Variants in INPP4B observed in about 807,000 individuals in gnomAD.
The protein encoded by INPP4B is inositol polyphosphate-4-phosphatase type II B.
Under a neutral mutation model 122.5 loss-of-function variants are expected in INPP4B, and 55 were observed. That is an observed-to-expected ratio of 0.45 (90% confidence interval 0.36 to 0.56). The LOEUF (loss-of-function observed/expected upper bound fraction) is 0.56, where lower values mean the gene tolerates loss of function less well. Among genes scored for constraint, INPP4B ranks in the 20% least tolerant of loss-of-function variants. The pLI, the probability that INPP4B is intolerant of heterozygous loss-of-function variation, is 0.00. For missense variants in INPP4B, 1,000 were observed against 1,097.7 expected, an observed-to-expected ratio of 0.91 and a Z score of 1.26; for synonymous variants, 403 against 388.7, an observed-to-expected ratio of 1.04 and a Z score of -0.43.
chr4:142,502,946 C>G (rs2149828076), intron 2 of INPP4B, among the ~76,000 whole-genome samples: 1 of 152,204 alleles, frequency 6.6e-6, no homozygotes, highest in Non-Finnish European at 1.5e-5. Context: ...AAGTGGAACC[C>G]TAGTTTGGTT....
At chr4:142,491,565 G>A (rs915988036) in intron 2 of INPP4B, among the ~76,000 whole-genome samples, 5 of 152,198 alleles carry the variant, frequency 3.3e-5, no homozygotes, top group African/African-American at 1.2e-4. Context: ...CCTGAGACAG[G>A]AGAATTGCTT....
chr4:142,581,933 G>A (rs1484683805), intron 2 of INPP4B, among the ~76,000 whole-genome samples: 1 of 151,946 alleles, frequency 6.6e-6, no homozygotes, highest in Admixed American at 6.6e-5. Flanking sequence ...GTTCAATTGT[G>A]TTACATGGAA....
At chr4:142,738,972 T>C (rs1459028403) in intron 1 of INPP4B, among the ~76,000 whole-genome samples, 1 of 152,134 alleles carries the variant, frequency 6.6e-6, no homozygotes, top group African/African-American at 2.4e-5. Context: ...GTTTTTTGTA[T>C]AAGCTGTCCT....
In INPP4B at chr4:142,173,629, T is replaced by C. The variant is rs1404404068; in HGVS notation, c.1359+3A>G. ...CCAACTATAGTGATGATTTGGATCT[T>C]ACTTTTTCTGAAAGCATCTTTAAAG... On this transcript the variant is annotated splice_donor_region_variant and intron_variant, in intron 16 of 25. Coordinates refer to ENST00000262992, the MANE Select transcript of INPP4B (RefSeq NM_001101669.3). 1 of 1,610,360 alleles carries C rather than the reference T, an allele frequency of 6.2e-7. No individual in the cohort carries two copies. The highest frequency in any genetic ancestry group is 8.5e-7 in the Non-Finnish European group (1 of 1,177,984).
At chr4:142,548,751 G>GTGTGTC (rs1310574353) in intron 2 of INPP4B, among the ~76,000 whole-genome samples, 3 of 45,984 alleles carry the variant, frequency 6.5e-5, no homozygotes, top group African/African-American at 4.0e-4. Context: ...AGATGTGTCT[G>GTGTGTC]TGTGTGTGTG....
chr4:142,431,290 A>C lies in INPP4B; in HGVS notation c.-31T>G. ...ACCTTCACAGTTTTAAAATTTTCCAAATTTTCTTGTCCAAATGTCAGTTCT... is the reference window on the plus strand; with the variant it reads ...ACCTTCACAGTTTTAAAATTTTCCACATTTTCTTGTCCAAATGTCAGTTCT... On this transcript the variant is annotated 5_prime_UTR_variant, in exon 4 of 26. The change creates a new upstream start codon in the 5' untranslated region. Transcript: ENST00000262992. 1 of 1,547,448 alleles carries C rather than the reference A, an allele frequency of 6.5e-7. No homozygotes were observed. Among genetic ancestry groups the C allele is most frequent in the Non-Finnish European group, 8.9e-7 (1 of 1,120,346 alleles).
intron 2 of INPP4B, among the ~76,000 whole-genome samples, chr4:142,681,505 T>C (rs1423745229): frequency 6.6e-6 from 1 of 151,548 alleles, no homozygotes; most frequent in South Asian, 2.1e-4. Context: ...TAAAATCAAA[T>C]AACGAATTTA....
chr4:142,726,250 C>T (rs1186791315), intron 1 of INPP4B, among the ~76,000 whole-genome samples: 1 of 152,136 alleles, frequency 6.6e-6, no homozygotes, highest in Non-Finnish European at 1.5e-5. Flanking sequence ...AATGTCAGGA[C>T]AGAACATTTA....
intron 2 of INPP4B, among the ~76,000 whole-genome samples, chr4:142,704,776 A>G (rs1333148151): frequency 6.6e-6 from 1 of 152,094 alleles, no homozygotes; most frequent in Non-Finnish European, 1.5e-5. Context: ...ACTCTCCCTC[A>G]AGCCCTTGCT....
intron 2 of INPP4B, among the ~76,000 whole-genome samples, chr4:142,660,206 G>T (rs1157321478): frequency 6.6e-6 from 1 of 152,118 alleles, no homozygotes; most frequent in African/African-American, 2.4e-5. Context: ...CACTTCATGG[G>T]TACAAGCTGC....
chr4:142,540,797 A>AAC (rs947865250), intron 2 of INPP4B, among the ~76,000 whole-genome samples: 3 of 152,098 alleles, frequency 2.0e-5, no homozygotes, highest in Non-Finnish European at 2.9e-5. Flanking sequence ...CACACACATA[A>AAC]ACACACACAC....
chr4:142,297,573 T>C (rs28463981), intron 9 of INPP4B, among the ~76,000 whole-genome samples: 36,271 of 152,094 alleles, frequency 0.24, 5,537 homozygotes, highest in African/African-American at 0.43. Context: ...GAGACCACTG[T>C]TCCTACTTCA....
intron 23 of INPP4B, among the ~76,000 whole-genome samples, chr4:142,088,832 C>G (rs2152557967): frequency 6.6e-6 from 1 of 152,230 alleles, no homozygotes; most frequent in East Asian, 1.9e-4. Flanking sequence ...GACCCGAATT[C>G]AAAATTTCCA....
At position 142,051,068 on chromosome 4, in the gene INPP4B, CCT is replaced by C. The variant is rs1363473662; in HGVS notation, c.2643-22156_2643-22155del. Among the ~76,000 whole-genome samples, 5 of 151,976 alleles carry C rather than the reference CCT, an allele frequency of 3.3e-5. No homozygotes were observed. The East Asian group carries it at 5.8e-4, about 18-fold the overall frequency. On this transcript the variant is annotated intron_variant, in intron 25 of 25. Coordinates refer to ENST00000262992, the MANE Select transcript of INPP4B (RefSeq NM_001101669.3). The stretch of plus-strand genomic sequence containing the variant: ...TACCTGATTGAGTATAATACATGTT[CCT>C]CTGTGTTGAGATATGTAAACTAGAG...
At chr4:142,457,420 T>C (rs1374148030) in intron 3 of INPP4B, among the ~76,000 whole-genome samples, 2 of 152,208 alleles carry the variant, frequency 1.3e-5, no homozygotes, top group Non-Finnish European at 2.9e-5. Context: ...TTAATGACCT[T>C]TTGAAACTCC....
chr4:142,246,431 T>C (rs993525539), intron 11 of INPP4B, among the ~76,000 whole-genome samples: 5 of 152,154 alleles, frequency 3.3e-5, no homozygotes, highest in Non-Finnish European at 7.4e-5. Context: ...TCCATGAACA[T>C]AGAATGTTTT....
chr4:142,053,364 A>T (rs1225903147), intron 25 of INPP4B, among the ~76,000 whole-genome samples: 1 of 152,132 alleles, frequency 6.6e-6, no homozygotes, highest in Non-Finnish European at 1.5e-5. Context: ...ATGAGGAGAG[A>T]GAACCTGAAG....
In INPP4B at chr4:142,082,050, C is replaced by A; in HGVS notation, c.2623G>T (p.Ala875Ser). Reference protein sequence around the residue: ...HQLHKDFFIRALDCMRREGCR... With the variant: ...HQLHKDFFIRSLDCMRREGCR... ...AGATACCTTCTCATGCAATCCAGCG[C>A]TCGGATAAAGAAGTCCTTGTGTAAC... The change falls in exon 25 of 26, where the codon GCG becomes TCG. Residue 875 changes from alanine (A) to serine (S), a missense_variant. By Grantham distance (99) the Ala-to-Ser change is moderately conservative. Coordinates refer to ENST00000262992, the MANE Select transcript of INPP4B (RefSeq NM_001101669.3). 6.8e-7 allele frequency: 1 copy of A among 1,463,872 alleles called. No homozygotes were observed. The highest frequency in any genetic ancestry group is 9.2e-7 in the Non-Finnish European group (1 of 1,083,342). 90.7% of individuals were successfully genotyped at this position (1,463,872 alleles called of 1,614,324 possible). A position where few individuals can be genotyped will look rare whatever the true frequency, so the allele number is the denominator to read the frequency against.
intron 1 of INPP4B, among the ~76,000 whole-genome samples, chr4:142,753,731 A>G (rs189925593): frequency 6.6e-6 from 1 of 152,188 alleles, no homozygotes; most frequent in Admixed American, 6.6e-5. Context: ...TTTTAAATAA[A>G]TTGTTTTCCC....
Sources: gnomAD v4.1 joint callset for allele counts (sites outside exome capture counted in the v4.1 genomes callset) on GRCh38, gnomAD v4.1.1 for gene constraint, MANE v1.5 for transcripts, NCBI Gene and HGNC (gene_info 2026-07-23, HGNC 2026-07-21) for gene names.